MIS18BP1: variants seen among roughly 807,000 people sequenced by gnomAD.
MIS18BP1 encodes mis18-binding protein 1.
In MIS18BP1, 72 loss-of-function variants were observed where a neutral mutation model predicts 116.1. The ratio of observed to expected loss-of-function variants is 0.62; its 90% CI spans 0.51 to 0.75. MIS18BP1 has a LOEUF of 0.75. Among genes scored for constraint, MIS18BP1 ranks in the 30% least tolerant of loss-of-function variants. MIS18BP1 has a pLI of 0.00. For missense variants in MIS18BP1, 1,363 were observed against 1,303.2 expected, an observed-to-expected ratio of 1.05 and a Z score of -0.71; for synonymous variants, 386 against 427.0, an observed-to-expected ratio of 0.90 and a Z score of 1.18.
At chr14:45,221,813 CAAAT>C (rs747868419) in intron 11 of MIS18BP1, among the ~76,000 whole-genome samples, 1 of 152,190 alleles carries the variant, frequency 6.6e-6, no homozygotes, top group Non-Finnish European at 1.5e-5. Context: ...TCAGTTCTAT[CAAAT>C]ACCAAGAGAG....
intron 2 of MIS18BP1, among the ~76,000 whole-genome samples, chr14:45,243,793 C>T (rs988319035): frequency 1.3e-5 from 2 of 152,060 alleles, no homozygotes; most frequent in Non-Finnish European, 2.9e-5. Flanking sequence ...TATTTATTCA[C>T]TTATGTGGGA....
chr14:45,235,686 C>G, intron 6 of MIS18BP1, 128 bp downstream of exon 6: 1 of 632,278 alleles, frequency 1.6e-6, no homozygotes, highest in African/African-American at 2.0e-5. Flanking sequence ...TATATAATAT[C>G]AGTTGTTTTG....
Position 45,224,702 on chromosome 14 carries a change from T to C in MIS18BP1, c.1885A>G (p.Arg629Gly). Residue 629 changes from arginine to glycine, a missense_variant, in exon 11 of 17, where the codon AGG (arginine) becomes GGG (glycine). Arg to Gly is a moderately radical substitution (Grantham distance 125). Coordinates refer to ENST00000310806, the MANE Select transcript of MIS18BP1 (RefSeq NM_018353.5). Reference protein sequence around the residue: ...LDVSIDILTSREQFFSDEERK... With the variant: ...LDVSIDILTSGEQFFSDEERK... ...TCTTCATCTGAGAAAAACTGTTCCC[T>C]TGAGGTTAGAATATCAATGGATACA... 1 of 1,606,332 alleles carries C rather than the reference T, an allele frequency of 6.2e-7. No individual in the cohort carries two copies. The highest frequency in any genetic ancestry group is 1.3e-5 in the African/African-American group (1 of 74,474).
chr14:45,232,961 G>T, intron 6 of MIS18BP1, 141 bp from the exon 7 acceptor site: 1 of 560,018 alleles, frequency 1.8e-6, no homozygotes. Context: ...TCAGAATTCG[G>T]CAGTAAACAA....
intron 11 of MIS18BP1, among the ~76,000 whole-genome samples, chr14:45,221,274 T>C (rs1187737175): frequency 1.3e-5 from 2 of 151,866 alleles, no homozygotes; most frequent in Non-Finnish European, 2.9e-5. Context: ...CCGTCTCTAC[T>C]GAAAATACAA....
At position 45,231,188 on chromosome 14, in the gene MIS18BP1, G is replaced by GT; in HGVS notation, c.1546dup (p.Thr516AsnfsTer12). On this transcript the variant is annotated frameshift_variant, in exon 8 of 17. Transcript: ENST00000310806. LOFTEE classifies it high-confidence loss of function. ...GTAAGTGGTGGTGGCTCTTTGAGCA[G>GT]TATCTGTTTGGTTTTCTCGTGCATC... 6.2e-7 allele frequency: 1 copy of GT among 1,613,972 alleles called. No homozygotes were observed. The highest frequency in any genetic ancestry group is 8.5e-7 in the Non-Finnish European group (1 of 1,179,948).
intron 6 of MIS18BP1, 126 bp downstream of exon 6, chr14:45,235,688 G>A: frequency 1.4e-6 from 1 of 705,948 alleles, no homozygotes; most frequent in East Asian, 3.3e-5. Flanking sequence ...TATAATATCA[G>A]TTGTTTTGAT....
Position 45,252,991 on chromosome 14 carries a change from G to A in MIS18BP1, c.-92+44C>T, listed in dbSNP as rs538327244. The A allele has an allele frequency of 3.3e-5, 5 of 152,398 alleles. No homozygotes were observed. In the South Asian group the frequency reaches 8.3e-4, roughly 25 times the overall value. 9.4% of individuals were successfully genotyped at this position (152,398 alleles called of 1,614,324 possible). On this transcript the variant is annotated intron_variant, in intron 1 of 16. Coordinates refer to ENST00000310806, the MANE Select transcript of MIS18BP1 (RefSeq NM_018353.5). ...AAGGGCAGACGCCCACCATCTGCGG[G>A]GACCCGCGGTAGGAGGTTAGCGGAG...
rs1211586400 is a variant in MIS18BP1 at position 45,224,470 on chromosome 14, T to C, written c.2117A>G (p.His706Arg). 2 of 1,613,956 alleles carry C rather than the reference T, an allele frequency of 1.2e-6. No individual in the cohort carries two copies. Among genetic ancestry groups the C allele is most frequent in the East Asian group, 2.2e-5 (1 of 44,858 alleles). ...MGTLENTFEG[H>R]KSKNKEDCDE... ...GCAATCTTCCTTGTTTTTACTTTTA[T>C]GACCTTCAAATGTATTTTCTAAAGT... Residue 706 changes from histidine (H) to arginine (R), a missense_variant, in exon 11 of 17, where the codon CAT becomes CGT. Physicochemically the swap from His to Arg is conservative, Grantham distance 29 (BLOSUM62 0). Coordinates refer to ENST00000310806, the MANE Select transcript of MIS18BP1 (RefSeq NM_018353.5).
chr14:45,233,365 G>T (rs1338282931), intron 6 of MIS18BP1, among the ~76,000 whole-genome samples: 1 of 152,072 alleles, frequency 6.6e-6, no homozygotes, highest in Admixed American at 6.6e-5. Flanking sequence ...AAGCATGAGA[G>T]ATTATAATAT....
At chr14:45,225,670 G>A (rs1413246348) in intron 10 of MIS18BP1, among the ~76,000 whole-genome samples, 1 of 152,142 alleles carries the variant, frequency 6.6e-6, no homozygotes, top group Non-Finnish European at 1.5e-5. Flanking sequence ...AGAACAACCT[G>A]AGAATCTTAT....
chr14:45,233,497 ACTG>A (rs1328366124), intron 6 of MIS18BP1, among the ~76,000 whole-genome samples: 1 of 152,164 alleles, frequency 6.6e-6, no homozygotes, highest in Non-Finnish European at 1.5e-5. Flanking sequence ...GCTAAAGCAA[ACTG>A]CTATTTTGAG....
At chr14:45,241,328 G>A (rs1891569096) in intron 4 of MIS18BP1, 1 of 152,286 alleles carries the variant, frequency 6.6e-6, no homozygotes, top group South Asian at 2.1e-4. Context: ...AAATTAGCTG[G>A]GCATGGTGGC....
Position 45,210,590 on chromosome 14 carries a change from A to G in MIS18BP1, c.3004-62T>C, listed in dbSNP as rs189449651. 4.1e-3 allele frequency: 6,521 copies of G among 1,588,078 alleles called. 34 individuals carry two copies. The highest frequency in any genetic ancestry group is 5.8e-3 in the South Asian group (520 of 88,896). The stretch of plus-strand genomic sequence containing the variant: ...TAAAAGGTATTTTCTCATTATCACA[A>G]AATAGTTTTGGAGGACTGATAAGTT... On this transcript the variant is annotated intron_variant, in intron 13 of 16. Coordinates refer to ENST00000310806, the MANE Select transcript of MIS18BP1 (RefSeq NM_018353.5).
At position 45,224,116 on chromosome 14, in the gene MIS18BP1, C is replaced by G. The variant is rs963329519; in HGVS notation, c.2471G>C (p.Ser824Thr). ...TTGTTTGATATAAAATTCATTTTCA[C>G]TTTCTTCAGTTTCAGGTTCCAAAAT... The part of the protein sequence containing the change: ...PVILEPETEE[S>T]ENEFYIKQKK... Residue 824 changes from serine (S) to threonine (T), a missense_variant, in exon 11 of 17, where the codon AGT becomes ACT. Transcript: ENST00000310806. The G allele has an allele frequency of 2.5e-6, 4 of 1,612,416 alleles. No homozygotes were observed. Among genetic ancestry groups the G allele is most frequent in the Non-Finnish European group, 3.4e-6 (4 of 1,179,706 alleles).
chr14:45,246,041 T>C (rs1050938117), intron 2 of MIS18BP1, among the ~76,000 whole-genome samples: 5 of 152,212 alleles, frequency 3.3e-5, no homozygotes, highest in African/African-American at 9.7e-5. Context: ...ACACCGGCTG[T>C]CATCTGGCTT....
intron 1 of MIS18BP1, among the ~76,000 whole-genome samples, chr14:45,249,852 C>T (rs1029849311): frequency 1.4e-4 from 21 of 152,134 alleles, no homozygotes; most frequent in African/African-American, 3.1e-4. Context: ...CCAGCCTAGG[C>T]GACGGAGTGA....
At chr14:45,204,584 A>T (rs1049402906) in intron 15 of MIS18BP1, 131 bp from the exon 16 acceptor site, 1 of 588,318 alleles carries the variant, frequency 1.7e-6, no homozygotes, top group African/African-American at 2.0e-5. Context: ...TAATCACATT[A>T]TAATTATCTG....
At chr14:45,224,776 C>A in intron 10 of MIS18BP1, 30 bp from the exon 11 acceptor site, 1 of 1,423,860 alleles carries the variant, frequency 7.0e-7, no homozygotes, top group South Asian at 1.4e-5. Flanking sequence ...AACCAAAGAC[C>A]AAAATCTCAA....
Sources: allele counts gnomAD v4.1 joint callset (sites outside exome capture counted in the v4.1 genomes callset), GRCh38; gene constraint gnomAD v4.1.1; transcripts MANE v1.5; gene names NCBI Gene and HGNC (gene_info 2026-07-23, HGNC 2026-07-21).